Variants in RNF214 observed in about 807,000 individuals in gnomAD.
The protein encoded by RNF214 is ring finger protein 214.
In RNF214, 25 loss-of-function variants were observed where a neutral mutation model predicts 75.9. That is an observed-to-expected ratio of 0.33 (90% CI 0.24 to 0.46). RNF214 has a LOEUF of 0.46. Ranked by LOEUF, RNF214 falls within the 20% of genes least tolerant of loss-of-function variation. The pLI, the probability that RNF214 is intolerant of heterozygous loss-of-function variation, is 1.00. For missense variants in RNF214, 725 were observed against 857.5 expected, an observed-to-expected ratio of 0.85 and a Z score of 1.93; for synonymous variants, 314 against 308.8, an observed-to-expected ratio of 1.02 and a Z score of -0.18.
At position 117,280,152 on chromosome 11, in the gene RNF214, A is replaced by G. The variant is rs751885917; in HGVS notation, c.1057-19A>G. 4.0e-5 allele frequency: 63 copies of G among 1,587,494 alleles called. No homozygotes were observed. Among genetic ancestry groups the G allele is most frequent in the Non-Finnish European group, 5.4e-5 (62 of 1,157,466 alleles). On this transcript the variant is annotated intron_variant, in intron 7 of 14. Transcript: ENST00000300650. ...TATGTAAAATTAATAAAGTATTTAT[A>G]TGTGTGTGGCTTCCTTAGATCTTAT...
At chr11:117,273,924 A>AT (rs2033960168) in intron 6 of RNF214, among the ~76,000 whole-genome samples, 1 of 152,224 alleles carries the variant, frequency 6.6e-6, no homozygotes, top group African/African-American at 2.4e-5. Context: ...ATCTGAAAGA[A>AT]TATCTTAAAG....
rs531731974 is a variant in RNF214 at position 117,273,004 on chromosome 11, C to T, written c.960-6904C>T. Among the ~76,000 whole-genome samples, 36 of 151,882 alleles carry T rather than the reference C, an allele frequency of 2.4e-4. No homozygotes were observed. The South Asian group carries it at 6.2e-3, about 26-fold the overall frequency. On this transcript the variant is annotated intron_variant, in intron 6 of 14. Transcript: ENST00000300650. The stretch of plus-strand genomic sequence containing the variant: ...CATTAATTTATTTTAAAATAATAAA[C>T]CTATGTGTTAAATAGCATATTTTCT...
At chr11:117,280,032 G>A in intron 7 of RNF214, 28 bp downstream of exon 7, 3 of 1,573,314 alleles carry the variant, frequency 1.9e-6, no homozygotes, top group South Asian at 1.1e-5. Context: ...TATCTTGAAA[G>A]TCTTAGTTTC....
In RNF214 at chr11:117,282,612, G is replaced by T. The variant is rs1484065811; in HGVS notation, c.1845+76G>T. 16 of 1,573,590 alleles carry T rather than the reference G, an allele frequency of 1.0e-5. No homozygotes were observed. In the South Asian group the frequency reaches 1.1e-4, roughly 11 times the overall value. On this transcript the variant is annotated intron_variant, in intron 12 of 14. Coordinates refer to ENST00000300650, the MANE Select transcript of RNF214 (RefSeq NM_207343.4). Reference sequence around the variant, plus strand: ...GAGGTAGATTTCAGAAAAATGTGGGGTGGGAAGAAGCATTCCAGTCAGAGG... The same window carrying T: ...GAGGTAGATTTCAGAAAAATGTGGGTTGGGAAGAAGCATTCCAGTCAGAGG...
At chr11:117,275,973 A>G (rs886284646) in intron 6 of RNF214, among the ~76,000 whole-genome samples, 1 of 152,224 alleles carries the variant, frequency 6.6e-6, no homozygotes, top group East Asian at 1.9e-4. Flanking sequence ...ATGAACATAG[A>G]TGCAAAAGTC....
At chr11:117,268,829 C>T (rs1398232555) in intron 6 of RNF214, among the ~76,000 whole-genome samples, 1 of 152,094 alleles carries the variant, frequency 6.6e-6, no homozygotes, top group African/African-American at 2.4e-5. Flanking sequence ...CATGGAAGAG[C>T]GCTCTTTTTC....
At chr11:117,262,188 A>G (rs1328426050) in intron 6 of RNF214, among the ~76,000 whole-genome samples, 1 of 149,906 alleles carries the variant, frequency 6.7e-6, no homozygotes. Flanking sequence ...CCGGGTTCAC[A>G]CCATTCTCCT....
chr11:117,247,986 A>C (rs1280197327), intron 6 of RNF214, among the ~76,000 whole-genome samples: 1 of 152,170 alleles, frequency 6.6e-6, no homozygotes, highest in Non-Finnish European at 1.5e-5. Context: ...TTTGTGAAAG[A>C]ATTATTTAGA....
At chr11:117,249,591 C>T (rs971163194) in intron 6 of RNF214, among the ~76,000 whole-genome samples, 7 of 152,130 alleles carry the variant, frequency 4.6e-5, no homozygotes, top group Admixed American at 1.3e-4. Context: ...TTCACCTTGG[C>T]CTGCCATAAC....
chr11:117,238,556 T>C, intron 2 of RNF214, 45 bp from the exon 3 acceptor site: 1 of 1,516,718 alleles, frequency 6.6e-7, no homozygotes, highest in Non-Finnish European at 8.9e-7. Flanking sequence ...AGTAGTTAGG[T>C]TGAAAGTATT....
Position 117,282,456 on chromosome 11 carries a change from G to T in RNF214, c.1765G>T (p.Ala589Ser). 6.2e-7 allele frequency: 1 copy of T among 1,614,208 alleles called. No individual in the cohort carries two copies. Among genetic ancestry groups the T allele is most frequent in the Non-Finnish European group, 8.5e-7 (1 of 1,180,036 alleles). Residue 589 changes from alanine to serine, a missense_variant, in exon 12 of 15, where the codon GCA becomes TCA. Ala to Ser is a moderately conservative substitution (Grantham distance 99). Coordinates refer to ENST00000300650, the MANE Select transcript of RNF214 (RefSeq NM_207343.4). Reference protein sequence around the residue: ...QQIKTARTTMAGLTMEELIQL... With the variant: ...QQIKTARTTMSGLTMEELIQL... Reference sequence around the variant, plus strand: ...GATCAAGACAGCACGTACCACCATGGCAGGCCTGACCATGGAGGAACTTAT... The same window carrying T: ...GATCAAGACAGCACGTACCACCATGTCAGGCCTGACCATGGAGGAACTTAT...
intron 5 of RNF214, 98 bp from the exon 6 acceptor site, chr11:117,246,711 A>G: frequency 8.2e-6 from 10 of 1,216,114 alleles, no homozygotes; most frequent in Non-Finnish European, 8.9e-6. Context: ...ACTAAAGTCA[A>G]TACGTGAATT....
At chr11:117,237,753 C>A (rs540176299) in intron 2 of RNF214, among the ~76,000 whole-genome samples, 5 of 152,278 alleles carry the variant, frequency 3.3e-5, no homozygotes, top group South Asian at 4.1e-4. Flanking sequence ...TGTATACTTA[C>A]TGTGTGGGAT....
chr11:117,244,544 C>G lies in RNF214; in HGVS notation c.778C>G (p.Gln260Glu), dbSNP rs1190702292. 5.0e-6 allele frequency: 8 copies of G among 1,612,290 alleles called. No homozygotes were observed. Residue 260 changes from glutamine to glutamate, a missense_variant, in exon 5 of 15, where the codon CAG becomes GAG. Physicochemically the swap from Gln to Glu is conservative, Grantham distance 29 (BLOSUM62 2). Coordinates refer to ENST00000300650, the MANE Select transcript of RNF214 (RefSeq NM_207343.4). ...GAATCAGCTCCAAGTGCAATTAAAG[C>G]AGCTTCAGCAAAGGAGAGAAGAGGA... The part of the protein sequence containing the change: ...VENQLQVQLK[Q>E]LQQRREEEMK...
chr11:117,234,573 G>C (rs1351300093), intron 2 of RNF214, among the ~76,000 whole-genome samples, 194 bp downstream of exon 2: 2 of 152,164 alleles, frequency 1.3e-5, no homozygotes, highest in Non-Finnish European at 2.9e-5. Context: ...CTAAATGTTT[G>C]GGGAATAAAT....
intron 2 of RNF214, among the ~76,000 whole-genome samples, chr11:117,238,202 G>C (rs147546476): frequency 2.1e-4 from 32 of 152,256 alleles, no homozygotes; most frequent in African/African-American, 6.7e-4. Flanking sequence ...CTTGAGTACA[G>C]GAGTTCGAGA....
At chr11:117,272,980 ATTAAT>A (rs1196851892) in intron 6 of RNF214, among the ~76,000 whole-genome samples, 1 of 152,234 alleles carries the variant, frequency 6.6e-6, no homozygotes, top group African/African-American at 2.4e-5. Context: ...ATATTTATGC[ATTAAT>A]TTATTTTAAA....
chr11:117,240,482 G>A (rs2033045926), intron 4 of RNF214, among the ~76,000 whole-genome samples: 1 of 151,584 alleles, frequency 6.6e-6, no homozygotes, highest in Admixed American at 6.6e-5. Context: ...GAGGTTGAGA[G>A]TTTGAGACCA....
chr11:117,232,872 G>A (rs1397971266), intron 1 of RNF214, 146 bp downstream of exon 1: 1 of 146,474 alleles, frequency 6.8e-6, no homozygotes, highest in Non-Finnish European at 1.5e-5. Context: ...ACCGAGGCGG[G>A]GGTCCCGGCC....
Sources: allele counts gnomAD v4.1 joint callset (sites outside exome capture counted in the v4.1 genomes callset), GRCh38; gene constraint gnomAD v4.1.1; transcripts MANE v1.5; gene names NCBI Gene and HGNC (gene_info 2026-07-23, HGNC 2026-07-21).